The following E2F7 variants were observed in gnomAD, a reference collection of about 807,000 sequenced individuals.
The protein encoded by E2F7 is E2F transcription factor 7, also known as transcription factor E2F7.
A neutral mutation model predicts 81.1 loss-of-function variants in E2F7; 35 were observed. The observed-to-expected ratio is 0.43, with a 90% CI of 0.33 to 0.57. The LOEUF is 0.57. E2F7 is among the 20% of genes least tolerant of loss of function. The pLI is 0.04. For missense variants in E2F7, 961 were observed against 1,093.7 expected (o/e 0.88, Z 1.71); for synonymous variants, 416 against 416.2 (o/e 1.00, Z 0.01).
intron 7 of E2F7, among the ~76,000 whole-genome samples, chr12:77,036,558 A>C (rs1954851208): frequency 6.6e-6 from 1 of 152,024 alleles, no homozygotes; most frequent in Non-Finnish European, 1.5e-5. Flanking sequence ...TAAATTTAAA[A>C]AAAGGAACAA....
intron 7 of E2F7, among the ~76,000 whole-genome samples, chr12:77,039,157 G>A (rs537998430): frequency 1.3e-5 from 2 of 152,252 alleles, no homozygotes; most frequent in South Asian, 4.2e-4. Flanking sequence ...TGGTACAACT[G>A]GATATCCATA....
At chr12:77,028,197 TC>T in intron 10 of E2F7, 59 bp from the exon 11 acceptor site, 5 of 1,354,722 alleles carry the variant, frequency 3.7e-6, no homozygotes, top group South Asian at 2.8e-5. Flanking sequence ...AGTAAATCTC[TC>T]TTTTTTTTTT....
chr12:77,031,295 G>A (rs989761836), intron 9 of E2F7, among the ~76,000 whole-genome samples: 1 of 152,116 alleles, frequency 6.6e-6, no homozygotes, highest in Non-Finnish European at 1.5e-5. Flanking sequence ...TTAAAACCAT[G>A]TTTATGTTCT....
At chr12:77,057,743 A>G (rs572484483) in intron 2 of E2F7, among the ~76,000 whole-genome samples, 1 of 152,334 alleles carries the variant, frequency 6.6e-6, no homozygotes, top group South Asian at 2.1e-4. Flanking sequence ...AAGTTTCAAA[A>G]ATTCAATATG....
intron 2 of E2F7, among the ~76,000 whole-genome samples, chr12:77,056,751 A>G (rs1189857266): frequency 6.6e-6 from 1 of 152,138 alleles, no homozygotes; most frequent in Non-Finnish European, 1.5e-5. Flanking sequence ...TGTGCAACAC[A>G]ACTCCCACCA....
At chr12:77,043,597 G>A (rs1954913521) in intron 6 of E2F7, among the ~76,000 whole-genome samples, 1 of 151,958 alleles carries the variant, frequency 6.6e-6, no homozygotes, top group East Asian at 1.9e-4. Context: ...GCTCCACAAG[G>A]CAGCTGGTCT....
At chr12:77,053,194 C>T (rs1955004296) in intron 3 of E2F7, among the ~76,000 whole-genome samples, 1 of 151,962 alleles carries the variant, frequency 6.6e-6, no homozygotes, top group Admixed American at 6.6e-5. Flanking sequence ...CTCCAAGGAC[C>T]CCTTTATGTT....
At chr12:77,026,937 C>T (rs1954764629) in intron 11 of E2F7, among the ~76,000 whole-genome samples, 1 of 152,170 alleles carries the variant, frequency 6.6e-6, no homozygotes. Flanking sequence ...AATTCATGGC[C>T]TTCACCAGAC....
intron 7 of E2F7, among the ~76,000 whole-genome samples, chr12:77,035,521 A>G (rs1954841995): frequency 6.6e-6 from 1 of 152,230 alleles, no homozygotes; most frequent in Non-Finnish European, 1.5e-5. Flanking sequence ...TAATGGGGAA[A>G]ACGTACTAAA....
Position 77,028,145 on chromosome 12 carries a change from A to T in E2F7, c.1885-7T>A. ...CTGTGGAATCTGAGGGTTTCTAAAC[A>T]CAACCAAACCAGGAAGCAAGAAAGT... On this transcript the variant is annotated splice_polypyrimidine_tract_variant and splice_region_variant and intron_variant, in intron 10 of 12. Transcript: ENST00000322886. The T allele has an allele frequency of 1.2e-6, 2 of 1,606,084 alleles. No homozygotes were observed. Among genetic ancestry groups the T allele is most frequent in the Non-Finnish European group, 1.7e-6 (2 of 1,176,872 alleles).
rs751848163 is a variant in E2F7 at position 77,033,090 on chromosome 12, G to C, written c.1342C>G (p.Leu448Val). Residue 448 changes from leucine (L) to valine (V), a missense_variant, in exon 9 of 13, where the codon CTG (leucine) becomes GTG (valine). Leu to Val is a conservative substitution (Grantham distance 32). Around this residue, in one of 3 missense-constraint regions of E2F7, gnomAD observed 587 missense variants for 620.3 expected, o/e 0.95. Transcript: ENST00000322886. ...ATTTTCTGTCTATAGACAGCTGCCAGGCTTCCAATTTCTAAAGAGTAGCCA... is the reference window on the plus strand; with the variant it reads ...ATTTTCTGTCTATAGACAGCTGCCACGCTTCCAATTTCTAAAGAGTAGCCA... ...SGGYSLEIGS[L>V]AAVYRQKIED... 6.2e-7 allele frequency: 1 copy of C among 1,613,824 alleles called. No individual in the cohort carries two copies. The highest frequency in any genetic ancestry group is 2.2e-5 in the East Asian group (1 of 44,854).
rs1954709158 is a variant in E2F7 at position 77,021,410 on chromosome 12, T to G, written c.*2605A>C. 6.6e-6 allele frequency: 1 copy of G among 152,356 alleles called. No individual in the cohort carries two copies. The highest frequency in any genetic ancestry group is 2.4e-5 in the African/African-American group (1 of 41,342). The allele number at this position is 152,356 out of a possible 1,614,324, so 9.4% of individuals were successfully genotyped here. On this transcript the variant is annotated 3_prime_UTR_variant, in exon 13 of 13. Coordinates refer to ENST00000322886, the MANE Select transcript of E2F7 (RefSeq NM_203394.3). ...TAGGAAAAAGAGCAGAGCTAAATAA[T>G]AAGAAAACAAAAGCAGTAAGCAGCA...
chr12:77,035,396 G>T (rs141409585), intron 7 of E2F7, among the ~76,000 whole-genome samples: 1 of 152,234 alleles, frequency 6.6e-6, no homozygotes, highest in East Asian at 1.9e-4. Context: ...AGCACTAGAG[G>T]GTACAATGCA....
At chr12:77,034,923 C>T (rs952951222) in intron 7 of E2F7, among the ~76,000 whole-genome samples, 1 of 152,144 alleles carries the variant, frequency 6.6e-6, no homozygotes, top group Admixed American at 6.5e-5. Flanking sequence ...ACAACAAAAG[C>T]CCAATTAGAA....
Position 77,034,224 on chromosome 12 carries a change from CT to C in E2F7, c.1124-183del, listed in dbSNP as rs144053051. Among the ~76,000 whole-genome samples, 228 of 149,376 alleles carry C rather than the reference CT, an allele frequency of 1.5e-3. 2 individuals are homozygous for C. The highest frequency in any genetic ancestry group is 8.6e-4 in the South Asian group (4 of 4,678). ...TCAAACCCCAATTTCTTTCAATGTA[CT>C]TTTTTTTTTAAGTTAGTGGATGACT... is the stretch of plus-strand genomic sequence containing the variant. On this transcript the variant is annotated intron_variant, in intron 7 of 12. Coordinates refer to ENST00000322886, the MANE Select transcript of E2F7 (RefSeq NM_203394.3).
chr12:77,040,577 A>G (rs532849613), intron 7 of E2F7, among the ~76,000 whole-genome samples: 1 of 152,232 alleles, frequency 6.6e-6, no homozygotes, highest in Non-Finnish European at 1.5e-5. Flanking sequence ...CAAATATGAA[A>G]TCTGTGAATA....
chr12:77,030,079 G>A lies in E2F7; in HGVS notation c.1636C>T (p.Leu546=). 6.2e-7 allele frequency: 1 copy of A among 1,614,210 alleles called. No homozygotes were observed. Among genetic ancestry groups the A allele is most frequent in the Non-Finnish European group, 8.5e-7 (1 of 1,180,032 alleles). ...LKPALLAGQP[L]VYVPSASLFM... ...AGTGAGGCAGAGGGCACATACACTA[G>A]AGGCTGGCCAGCAAGGAGTGCTGGC... The change falls in exon 10 of 13, where the codon CTA becomes TTA. Residue 546 remains leucine (L), a synonymous_variant. Transcript: ENST00000322886.
chr12:77,046,637 C>T (rs1332659315), intron 4 of E2F7, among the ~76,000 whole-genome samples: 1 of 152,224 alleles, frequency 6.6e-6, no homozygotes, highest in Non-Finnish European at 1.5e-5. Flanking sequence ...ACCACGCGAA[C>T]ATTTCAGCAG....
intron 4 of E2F7, among the ~76,000 whole-genome samples, chr12:77,049,758 T>C (rs1191548774): frequency 2.0e-5 from 3 of 152,328 alleles, no homozygotes; most frequent in South Asian, 4.1e-4. Context: ...ATGGAAGAAA[T>C]AGAACTAAGA....
Sources: gnomAD v4.1 joint callset for allele counts (sites outside exome capture counted in the v4.1 genomes callset) on GRCh38, gnomAD v4.1.1 for gene constraint, gnomAD v4.1.1 regional missense constraint, MANE v1.5 for transcripts, NCBI Gene and HGNC (gene_info 2026-07-23, HGNC 2026-07-21) for gene names.